QSOX2: variants seen among roughly 807,000 people sequenced by gnomAD.
QSOX2 encodes sulfhydryl oxidase 2.
QSOX2 carries 46 observed loss-of-function variants against 61.7 expected under a neutral mutation model. The ratio of observed to expected loss-of-function variants is 0.75; its 90% CI spans 0.59 to 0.95. QSOX2 has a LOEUF of 0.95. Among genes scored for constraint, QSOX2 ranks in the 40% least tolerant of loss-of-function variants. The pLI is 0.00. For synonymous variants in QSOX2, 383 were observed against 388.4 expected, an observed-to-expected ratio of 0.99 and a Z score of 0.16; for missense variants, 879 against 918.9, an observed-to-expected ratio of 0.96 and a Z score of 0.56.
intron 9 of QSOX2, among the ~76,000 whole-genome samples, chr9:136,215,545 G>A (rs1045573071): frequency 2.6e-5 from 4 of 152,202 alleles, no homozygotes; most frequent in Admixed American, 2.0e-4. Context: ...TCTCTGAAGA[G>A]ACAGTTCTTC....
chr9:136,245,425 A>G, intron 1 of QSOX2, 51 bp downstream of exon 1: 1 of 1,485,706 alleles, frequency 6.7e-7, no homozygotes, highest in East Asian at 2.5e-5. Flanking sequence ...GGGGTCCCGG[A>G]AGGCCGCGGT....
At chr9:136,229,606 C>T (rs1403030015) in intron 1 of QSOX2, among the ~76,000 whole-genome samples, 1 of 152,114 alleles carries the variant, frequency 6.6e-6, no homozygotes, top group African/African-American at 2.4e-5. Flanking sequence ...GAATCACGGC[C>T]GTGTGACATC....
chr9:136,228,164 A>G (rs931711859), intron 1 of QSOX2, among the ~76,000 whole-genome samples: 4 of 152,112 alleles, frequency 2.6e-5, no homozygotes, highest in African/African-American at 7.2e-5. Flanking sequence ...GTAGTGGAAC[A>G]TGCTTCCACC....
chr9:136,212,500 A>G (rs1165180079), intron 10 of QSOX2, among the ~76,000 whole-genome samples: 1 of 152,218 alleles, frequency 6.6e-6, no homozygotes, highest in Admixed American at 6.5e-5. Flanking sequence ...AAATCCCGAC[A>G]CTTCTTGTTT....
At chr9:136,227,011 C>T (rs1288836473) in intron 1 of QSOX2, 137 bp from the exon 2 acceptor site, 1 of 688,530 alleles carries the variant, frequency 1.5e-6, no homozygotes, top group African/African-American at 1.8e-5. Flanking sequence ...CAGTTAGGCC[C>T]TCATCACACA....
In QSOX2 at chr9:136,222,717, A is replaced by G. The variant is rs933490531; in HGVS notation, c.676-776T>C. Among the ~76,000 whole-genome samples the G allele has an allele frequency of 6.6e-6, 1 of 152,154 alleles. No individual in the cohort carries two copies. Among genetic ancestry groups the G allele is most frequent in the Non-Finnish European group, 1.5e-5 (1 of 68,012 alleles). On this transcript the variant is annotated intron_variant, in intron 5 of 11. Transcript: ENST00000358701. This position sits in a 1 kb window ranked among gnomAD's most constrained non-coding sequence, Gnocchi z 6.9. ...GCACGAGTGGAGCCTGGCTGCCCCG[A>G]ACGCACCAGCATGCCAGGCAGGTAG...
chr9:136,219,656 CCT>C lies in QSOX2; in HGVS notation c.822-494_822-493del, dbSNP rs1204755318. Among the ~76,000 whole-genome samples the C allele has an allele frequency of 5.9e-5, 9 of 152,076 alleles. No homozygotes were observed. In the East Asian group the frequency reaches 7.7e-4, roughly 13 times the overall value. The stretch of plus-strand genomic sequence containing the variant: ...GTGTGGACAGGGTGGAGCTGAGCCC[CCT>C]GTGTGCCCACGCTGTGTGGACAGGG... On this transcript the variant is annotated intron_variant, in intron 6 of 11. Transcript: ENST00000358701.
rs369449958 is a variant in QSOX2 at position 136,229,216 on chromosome 9, C to T, written c.329-2342G>A. On this transcript the variant is annotated intron_variant, in intron 1 of 11. Transcript: ENST00000358701. Reference sequence around the variant, plus strand: ...GGATGAGGGAGAAGCGACACGAGCTCTCTGCATCCCCGGCCACTCCTTGCC... The same window carrying T: ...GGATGAGGGAGAAGCGACACGAGCTTTCTGCATCCCCGGCCACTCCTTGCC... Among the ~76,000 whole-genome samples, 70 of 152,368 alleles carry T rather than the reference C, an allele frequency of 4.6e-4. 1 individual carries two copies. The East Asian group carries it at 0.011, about 23-fold the overall frequency.
intron 2 of QSOX2, 32 bp downstream of exon 2, chr9:136,226,742 T>G (rs748720963): frequency 6.4e-7 from 1 of 1,571,176 alleles, no homozygotes; most frequent in East Asian, 2.2e-5. Context: ...AGAAGGTGAA[T>G]TTCAACGGAC....
Position 136,218,552 on chromosome 9 carries a change from C to T in QSOX2, c.1086+127G>A, listed in dbSNP as rs954958488. On this transcript the variant is annotated intron_variant, in intron 8 of 11. Transcript: ENST00000358701. ...GAATGAGTTGGGGCGTGGGCCTGGG[C>T]GACAAAGCAAGGTGGAGAGCACCTC... is the stretch of plus-strand genomic sequence containing the variant. 58 of 1,186,174 alleles carry T rather than the reference C, an allele frequency of 4.9e-5. 1 individual carries two copies. The highest frequency in any genetic ancestry group is 4.8e-4 in the African/African-American group (31 of 64,174). The allele number at this position is 1,186,174 out of a possible 1,614,324, so 73.5% of individuals were successfully genotyped here.
Position 136,244,997 on chromosome 9 carries a change from C to T in QSOX2, c.328+479G>A, listed in dbSNP as rs116854814. 5.4e-3 allele frequency among the ~76,000 whole-genome samples: 828 copies of T among 152,176 alleles called. 3 individuals are homozygous for T. The highest frequency in any genetic ancestry group is 0.01 in the Middle Eastern group (3 of 294). On this transcript the variant is annotated intron_variant, in intron 1 of 11. Coordinates refer to ENST00000358701, the MANE Select transcript of QSOX2 (RefSeq NM_181701.4). The stretch of plus-strand genomic sequence containing the variant: ...TGAAGGTTCAAAGGGAATGGGGTGG[C>T]TACGAGTGTGGAATAGGAATGAGGG...
rs372069538 is a variant in QSOX2 at position 136,218,930 on chromosome 9, C to G, written c.956+100G>C. ...TGGGAGGGCTCCTGAGCGGCCCTCA[C>G]TGGCTGGGGTGGGTTTCTGAGTAAA... On this transcript the variant is annotated intron_variant, in intron 7 of 11. Coordinates refer to ENST00000358701, the MANE Select transcript of QSOX2 (RefSeq NM_181701.4). The G allele has an allele frequency of 2.6e-4, 409 of 1,572,426 alleles. 2 individuals carry two copies. The East Asian group carries it at 4.3e-3, about 17-fold the overall frequency.
intron 1 of QSOX2, among the ~76,000 whole-genome samples, chr9:136,241,367 T>C (rs1830432225): frequency 6.6e-6 from 1 of 152,174 alleles, no homozygotes; most frequent in Non-Finnish European, 1.5e-5. Flanking sequence ...TTATTGTTTC[T>C]TTTTCCAGTA....
At chr9:136,213,940 A>G (rs1016599461) in intron 10 of QSOX2, among the ~76,000 whole-genome samples, 2 of 149,678 alleles carry the variant, frequency 1.3e-5, no homozygotes, top group African/African-American at 2.5e-5. Context: ...GCCCAGCCCA[A>G]ACTGCTGATC....
intron 1 of QSOX2, among the ~76,000 whole-genome samples, chr9:136,229,660 G>A (rs150914964): frequency 1.4e-4 from 21 of 152,294 alleles, no homozygotes; most frequent in Non-Finnish European, 2.5e-4. Context: ...ACGGGAAGAA[G>A]AAAACGTTCC....
Position 136,222,063 on chromosome 9 carries a change from C to CAG in QSOX2, c.676-124_676-123dup. ...AAAGGGCATGAAGTCTGTCCCCCTG[C>CAG]AGGCAAGACCCTCACTCAAATCTTC... On this transcript the variant is annotated intron_variant, in intron 5 of 11. Coordinates refer to ENST00000358701, the MANE Select transcript of QSOX2 (RefSeq NM_181701.4). The surrounding 1 kb of genome is among the most constrained non-coding windows in gnomAD (Gnocchi z 6.9). The CAG allele has an allele frequency of 1.0e-6, 1 of 969,344 alleles. No homozygotes were observed. The highest frequency in any genetic ancestry group is 1.4e-6 in the Non-Finnish European group (1 of 694,588). The allele number at this position is 969,344 out of a possible 1,614,324, so 60.0% of individuals were successfully genotyped here.
chr9:136,235,100 G>A (rs1186881518), intron 1 of QSOX2, among the ~76,000 whole-genome samples: 2 of 152,236 alleles, frequency 1.3e-5, no homozygotes, highest in African/African-American at 2.4e-5. Context: ...CAGCTCTGCT[G>A]CTTACTGGGT....
In QSOX2 at chr9:136,209,169, G is replaced by T. The variant is rs950065782; in HGVS notation, c.1656C>A (p.Gly552=). The T allele has an allele frequency of 6.2e-7, 1 of 1,614,068 alleles. No homozygotes were observed. The highest frequency in any genetic ancestry group is 1.3e-5 in the African/African-American group (1 of 74,948). ...GCTGCTTCAAGAATGTGAGCACGTG[G>T]CCTTCATCCCAGCTGGCCAGGCCCT... The part of the protein sequence containing the change: ...EIKGLASWDE[G]HVLTFLKQHY... Residue 552 remains glycine (G), a synonymous_variant, in exon 12 of 12, where the codon GGC becomes GGA. Transcript: ENST00000358701. The surrounding 1 kb of genome is among the most constrained non-coding windows in gnomAD (Gnocchi z 5.6).
At chr9:136,231,295 C>T (rs111342255) in intron 1 of QSOX2, among the ~76,000 whole-genome samples, 1,529 of 152,334 alleles carry the variant, frequency 0.01, 10 homozygotes, top group Non-Finnish European at 0.015. Context: ...CCCCATCCTA[C>T]CGTGGCGAAT....
Sources: gnomAD v4.1 joint callset for allele counts (sites outside exome capture counted in the v4.1 genomes callset) on GRCh38, gnomAD v4.1.1 for gene constraint, Gnocchi (gnomAD v3.1) non-coding constraint, MANE v1.5 for transcripts, NCBI Gene and HGNC (gene_info 2026-07-23, HGNC 2026-07-21) for gene names.